The following CR1L variants were observed in gnomAD, a reference collection of about 807,000 sequenced individuals.
CR1L encodes complement component receptor 1-like protein.
In CR1L, 59 loss-of-function variants were observed where a neutral mutation model predicts 62.3. The ratio of observed to expected loss-of-function variants is 0.95; its 90% confidence interval spans 0.77 to 1.18. The LOEUF (loss-of-function observed/expected upper bound fraction) is 1.18, where lower values mean the gene tolerates loss of function less well. Ranked by LOEUF, CR1L falls within the 50% of genes most tolerant of loss-of-function variation. The probability of loss-of-function intolerance (pLI) is 0.00; values close to 1 mark genes in which losing one functional copy is unlikely to be tolerated. For synonymous variants in CR1L, 279 were observed against 248.7 expected (o/e 1.12, Z -1.15); for missense variants, 700 against 702.8 (o/e 1.00, Z 0.04).
At chr1:207,674,804 A>T (rs1469560705) in intron 1 of CR1L, among the ~76,000 whole-genome samples, 2 of 152,008 alleles carry the variant, frequency 1.3e-5, no homozygotes, top group Non-Finnish European at 1.5e-5. Context: ...TTCATCCCAC[A>T]TATCAACTAG....
intron 10 of CR1L, among the ~76,000 whole-genome samples, chr1:207,714,770 T>G (rs955823390): frequency 1.3e-5 from 2 of 152,164 alleles, no homozygotes; most frequent in African/African-American, 4.8e-5. Flanking sequence ...TGGCAAAGAC[T>G]CCTCCCCTGA....
intron 1 of CR1L, chr1:207,669,176 C>G: frequency 3.2e-6 from 1 of 311,302 alleles, no homozygotes; most frequent in East Asian, 8.8e-5. Context: ...ATCGGAAGCC[C>G]AAGCATTGTC....
intron 1 of CR1L, chr1:207,657,033 C>G (rs1663324714): frequency 1.7e-6 from 1 of 578,046 alleles, no homozygotes; most frequent in Non-Finnish European, 3.1e-6. Flanking sequence ...TGTAGAAACC[C>G]TATATTGACA....
chr1:207,645,593 T>A (rs578118151), intron 1 of CR1L, among the ~76,000 whole-genome samples: 151 of 152,210 alleles, frequency 9.9e-4, no homozygotes, highest in Non-Finnish European at 1.5e-3. Flanking sequence ...AAAAGAAGCG[T>A]GAATCGTGTT....
intron 7 of CR1L, among the ~76,000 whole-genome samples, chr1:207,698,474 A>G (rs543693261): frequency 1.3e-5 from 2 of 152,272 alleles, no homozygotes; most frequent in South Asian, 4.2e-4. Context: ...ATGTCCACCT[A>G]GTGCTCTTCA....
At chr1:207,669,326 C>A in intron 1 of CR1L, 1 of 664,558 alleles carries the variant, frequency 1.5e-6, no homozygotes, top group Non-Finnish European at 2.6e-6. Flanking sequence ...AACCCCGCAG[C>A]CCTCCCCATG....
At chr1:207,712,930 A>T (rs1664381638) in intron 10 of CR1L, among the ~76,000 whole-genome samples, 1 of 152,300 alleles carries the variant, frequency 6.6e-6, no homozygotes, top group Middle Eastern at 3.4e-3. Flanking sequence ...TAATCCAATT[A>T]AGGAGCTGAC....
chr1:207,655,993 C>A (rs1173277203), intron 1 of CR1L, among the ~76,000 whole-genome samples: 1 of 152,028 alleles, frequency 6.6e-6, no homozygotes, highest in Non-Finnish European at 1.5e-5. Flanking sequence ...AATCCCAGCT[C>A]TTTGGGAGGC....
intron 1 of CR1L, among the ~76,000 whole-genome samples, chr1:207,673,680 A>G (rs1663647330): frequency 6.6e-6 from 1 of 152,254 alleles, no homozygotes; most frequent in Admixed American, 6.5e-5. Context: ...TGTTGGCAAT[A>G]AAGTGGAGAA....
intron 9 of CR1L, among the ~76,000 whole-genome samples, chr1:207,706,652 T>C (rs1365993360): frequency 5.3e-5 from 8 of 152,148 alleles, no homozygotes; most frequent in Non-Finnish European, 5.9e-5. Flanking sequence ...CAACACTAAA[T>C]TGTAGAAGAT....
At chr1:207,668,211 T>C (rs1258378423) in intron 1 of CR1L, among the ~76,000 whole-genome samples, 1 of 151,124 alleles carries the variant, frequency 6.6e-6, no homozygotes, top group Non-Finnish European at 1.5e-5. Context: ...AAAAGATATC[T>C]GCACTCTCAC....
intron 4 of CR1L, among the ~76,000 whole-genome samples, chr1:207,684,773 A>T (rs1186602761): frequency 8.2e-6 from 1 of 122,196 alleles, no homozygotes; most frequent in African/African-American, 2.6e-5. Flanking sequence ...TCATTTTATT[A>T]AAAAAAAATA....
chr1:207,686,134 CCCTT>C (rs1174390747), intron 4 of CR1L, among the ~76,000 whole-genome samples: 14 of 9,204 alleles, frequency 1.5e-3, no homozygotes, highest in African/African-American at 3.0e-3. Context: ...CTTCCTCCCT[CCCTT>C]CCTTCCTTCC....
intron 1 of CR1L, among the ~76,000 whole-genome samples, chr1:207,668,773 TC>T (rs1663562884): frequency 6.6e-6 from 1 of 151,052 alleles, no homozygotes; most frequent in Non-Finnish European, 1.5e-5. Flanking sequence ...GTCCACTTTA[TC>T]CACCCAGTCA....
At chr1:207,658,715 C>T (rs562929300) in intron 1 of CR1L, 1 of 152,278 alleles carries the variant, frequency 6.6e-6, no homozygotes, top group Non-Finnish European at 1.5e-5. Flanking sequence ...GCCCTGTGCC[C>T]GCCACACAGG....
At chr1:207,673,678 A>G (rs76654222) in intron 1 of CR1L, among the ~76,000 whole-genome samples, 5,840 of 152,340 alleles carry the variant, frequency 0.038, 180 homozygotes, top group South Asian at 0.12. Context: ...AGTGTTGGCA[A>G]TAAAGTGGAG....
At chr1:207,693,421 A>G (rs1210741797) in intron 4 of CR1L, among the ~76,000 whole-genome samples, 1 of 152,232 alleles carries the variant, frequency 6.6e-6, no homozygotes, top group Non-Finnish European at 1.5e-5. Flanking sequence ...CCAGGCCTGT[A>G]TAGCTTTTTG....
chr1:207,678,274 A>C lies in CR1L; in HGVS notation c.354A>C (p.Gln118His), dbSNP rs1159412984. 1 of 1,613,432 alleles carries C rather than the reference A, an allele frequency of 6.2e-7. No individual in the cohort carries two copies. Among genetic ancestry groups the C allele is most frequent in the South Asian group, 1.1e-5 (1 of 91,060 alleles). ...HVIKDIQFRS[Q>H]IKYSCPKGYR... The stretch of plus-strand genomic sequence containing the variant: ...TCAAAGACATCCAGTTCAGATCCCA[A>C]ATTAAATATTCTTGTCCTAAAGGGT... Residue 118 changes from glutamine to histidine, a missense_variant, in exon 3 of 12, where the codon CAA (glutamine) becomes CAC (histidine). Gln to His is a conservative substitution (Grantham distance 24). Transcript: ENST00000508064.
chr1:207,648,195 AC>A (rs1663163379), intron 1 of CR1L, among the ~76,000 whole-genome samples: 3 of 111,758 alleles, frequency 2.7e-5, no homozygotes, highest in Admixed American at 8.2e-5. Flanking sequence ...ACACACACAC[AC>A]ACACACACAG....
Sources: allele counts gnomAD v4.1 joint callset (sites outside exome capture counted in the v4.1 genomes callset), GRCh38; gene constraint gnomAD v4.1.1; transcripts MANE v1.5; gene names NCBI Gene and HGNC (gene_info 2026-07-23, HGNC 2026-07-21).